POLR2F: variants seen among roughly 807,000 people sequenced by gnomAD.
POLR2F encodes the protein RNA polymerase II, I and III subunit F, also known as DNA-directed RNA polymerases I, II, and III subunit RPABC2.
A neutral mutation model predicts 22.7 loss-of-function variants in POLR2F; 12 were observed. The ratio of observed to expected loss-of-function variants is 0.53; its 90% CI spans 0.34 to 0.86. The LOEUF (loss-of-function observed/expected upper bound fraction) is 0.86. Among genes scored for constraint, POLR2F ranks in the 40% least tolerant of loss-of-function variants. POLR2F has a pLI of 0.02. For missense variants in POLR2F, 126 were observed against 171.5 expected, an observed-to-expected ratio of 0.73 and a Z score of 1.48; for synonymous variants, 57 against 66.0, an observed-to-expected ratio of 0.86 and a Z score of 0.66.
rs745904273 is a variant in POLR2F, at chr22:37,967,730, C to T, written c.*15C>T. 10 of 1,606,416 alleles carry T rather than the reference C, an allele frequency of 6.2e-6. No individual in the cohort carries two copies. The highest frequency in any genetic ancestry group is 4.0e-5 in the African/African-American group (3 of 74,496). ...TCACCGACTGAGCTGGAGTCATCTT[C>T]CTGCCCTTGCCCCATGCCCAATTTT... is the stretch of plus-strand genomic sequence containing the variant. On this transcript the variant is annotated 3_prime_UTR_variant, in exon 5 of 5. Transcript: ENST00000442738.
In POLR2F at chr22:37,967,988, G is replaced by A. The variant is rs1931925716; in HGVS notation, c.*273G>A. 9.1e-7 allele frequency: 1 copy of A among 1,095,374 alleles called. No individual in the cohort carries two copies. Among genetic ancestry groups the A allele is most frequent in the African/African-American group, 1.7e-5 (1 of 60,252 alleles). The allele number at this position is 1,095,374 out of a possible 1,614,324, so 67.9% of individuals were successfully genotyped here. On this transcript the variant is annotated 3_prime_UTR_variant, in exon 5 of 5. Coordinates refer to ENST00000442738, the MANE Select transcript of POLR2F (RefSeq NM_021974.5). ...CATCTCCCTGTTCCCCAGAGCAAAG[G>A]CTGCTGCAGGGGAGACACCTCAGCT...
At chr22:37,956,670 A>G (rs1037493178) in intron 1 of POLR2F, 103 bp from the exon 2 acceptor site, 25 of 932,072 alleles carry the variant, frequency 2.7e-5, no homozygotes, top group African/African-American at 8.0e-5. Flanking sequence ...GCCCACTTCA[A>G]TCTCCGAAAG....
chr22:37,972,527 A>G (rs771116241), downstream of POLR2F: 5 of 305,446 alleles, frequency 1.6e-5, no homozygotes, highest in Non-Finnish European at 3.2e-5. Context: ...GCAAGGGCAG[A>G]ATGTACAGGT....
At chr22:38,028,212 C>T (rs1001566823), downstream of POLR2F, among the ~76,000 whole-genome samples, 2 of 152,294 alleles carry the variant, frequency 1.3e-5, no homozygotes, top group African/African-American at 2.4e-5. Flanking sequence ...GAGGTCACCA[C>T]ATGAGAACAG....
rs533190943 is a variant in POLR2F, at chr22:37,996,127, G to A, written c.120+9815G>A. ...CTTCTGGAGCAGGGACACCCTGGGG[G>A]ACCAGGCTGGGTTTAATGGGCAGCC... On this transcript the variant is annotated intron_variant, in intron 1 of 2. Transcript: ENST00000333418. Among the ~76,000 whole-genome samples the A allele has an allele frequency of 2.6e-5, 4 of 152,316 alleles. No individual in the cohort carries two copies. In the South Asian group the frequency reaches 6.2e-4, roughly 24 times the overall value.
At chr22:37,976,726 A>G (rs990897437) in intron 4 of POLR2F, among the ~76,000 whole-genome samples, 20 of 152,194 alleles carry the variant, frequency 1.3e-4, no homozygotes, top group African/African-American at 4.3e-4. Context: ...ACCTCATCAC[A>G]TTGTTTGCAA....
At chr22:38,006,561 C>T (rs1043903299) in intron 1 of POLR2F, among the ~76,000 whole-genome samples, 3 of 152,188 alleles carry the variant, frequency 2.0e-5, no homozygotes, top group Non-Finnish European at 2.9e-5. Flanking sequence ...GATACCTGCT[C>T]GCACTAGTCC....
In POLR2F at chr22:38,016,947, C is replaced by T. The variant is rs1031397072; in HGVS notation, c.121-8922C>T. ...CTGGGCGGATGTGCCGGCAGCTGGG[C>T]GGCCGGGAGAGATGGAGCCAGGCCG... On this transcript the variant is annotated intron_variant, in intron 1 of 2. Transcript: ENST00000333418. The surrounding 1 kb of genome is among the most constrained non-coding windows in gnomAD (Gnocchi z 4.4). 1.3e-5 allele frequency among the ~76,000 whole-genome samples: 2 copies of T among 152,136 alleles called. No individual in the cohort carries two copies. The highest frequency in any genetic ancestry group is 3.4e-3 in the Middle Eastern group (1 of 292).
At chr22:38,033,445 TAC>T (rs1318859248) in intron 5 of POLR2F, among the ~76,000 whole-genome samples, 2 of 152,226 alleles carry the variant, frequency 1.3e-5, no homozygotes, top group Non-Finnish European at 2.9e-5. Context: ...CAAGCCTGGT[TAC>T]CCAGTCCCTC....
intron 1 of POLR2F, among the ~76,000 whole-genome samples, chr22:38,000,265 G>A (rs375453346): frequency 2.0e-5 from 3 of 152,280 alleles, no homozygotes; most frequent in African/African-American, 7.2e-5. Flanking sequence ...TTGTCCAGCC[G>A]GACCTTCTTA....
chr22:38,038,781 C>T (rs1176858124), intron 5 of POLR2F, among the ~76,000 whole-genome samples: 3 of 140,792 alleles, frequency 2.1e-5, no homozygotes, highest in Non-Finnish European at 4.7e-5. Context: ...CACCCAAACT[C>T]CCTCCTCCCC....
rs58143539 is a variant in POLR2F at position 37,995,227 on chromosome 22, T to C, written c.120+8915T>C. Reference sequence around the variant, plus strand: ...TCTACTGAGACAGGCCCACATTTGCTTTTGTTTCCCACCTTTTGTCCCCCA... The same window carrying C: ...TCTACTGAGACAGGCCCACATTTGCCTTTGTTTCCCACCTTTTGTCCCCCA... On this transcript the variant is annotated intron_variant, in intron 1 of 2. Transcript: ENST00000333418. Among the ~76,000 whole-genome samples, 1,509 of 152,318 alleles carry C rather than the reference T, an allele frequency of 9.9e-3. 28 individuals are homozygous for C. Among genetic ancestry groups the C allele is most frequent in the African/African-American group, 0.035 (1,461 of 41,570 alleles).
chr22:37,967,055 C>T, intron 3 of POLR2F, 44 bp from the exon 4 acceptor site: 3 of 1,462,054 alleles, frequency 2.1e-6, no homozygotes, highest in Non-Finnish European at 1.9e-6. Context: ...GGGCCCTTCT[C>T]CCTGGGTTTG....
At chr22:38,004,188 C>G (rs2084800467) in intron 1 of POLR2F, among the ~76,000 whole-genome samples, 1 of 149,014 alleles carries the variant, frequency 6.7e-6, no homozygotes, top group African/African-American at 2.5e-5. Flanking sequence ...TGGGGGGGGT[C>G]TCACTATATT....
At chr22:38,029,056 G>C (rs1601916743), downstream of POLR2F, among the ~76,000 whole-genome samples, 1 of 152,166 alleles carries the variant, frequency 6.6e-6, no homozygotes, top group African/African-American at 2.4e-5. Flanking sequence ...CCCTGAAAAA[G>C]GGAGTTCAGG....
rs1433288581 is a variant in POLR2F, at chr22:37,992,621, A to C, written c.120+6309A>C. On this transcript the variant is annotated intron_variant, in intron 1 of 2. Coordinates refer to the POLR2F transcript ENST00000333418. The stretch of plus-strand genomic sequence containing the variant: ...ACCATGTTGCCCAGGCTGGTCTCAA[A>C]CTCCAGACCTCAGGTGATTCGCCCG... 2.6e-5 allele frequency among the ~76,000 whole-genome samples: 4 copies of C among 151,892 alleles called. No homozygotes were observed. The East Asian group carries it at 5.8e-4, about 22-fold the overall frequency.
At chr22:37,990,912 C>A (rs1189137285) in intron 1 of POLR2F, among the ~76,000 whole-genome samples, 1 of 152,218 alleles carries the variant, frequency 6.6e-6, no homozygotes, top group East Asian at 1.9e-4. Flanking sequence ...TGCCTCAGAC[C>A]CTTGGTGTTC....
At chr22:37,961,868 T>C (rs560751212) in intron 3 of POLR2F, among the ~76,000 whole-genome samples, 20 of 152,084 alleles carry the variant, frequency 1.3e-4, no homozygotes, top group Admixed American at 4.6e-4. Context: ...CCCTATAGAC[T>C]GATGTGGGAA....
exon 3 of POLR2F, chr22:38,026,277 A>G (rs1481429402): frequency 1.9e-6 from 1 of 533,236 alleles, no homozygotes; most frequent in Non-Finnish European, 3.8e-6. Context: ...TGCCCAGGGT[A>G]GCTGGCTTGC....
Sources: allele counts gnomAD v4.1 joint callset (sites outside exome capture counted in the v4.1 genomes callset), GRCh38; gene constraint gnomAD v4.1.1; non-coding constraint Gnocchi (gnomAD v3.1); transcripts MANE v1.5; gene names NCBI Gene and HGNC (gene_info 2026-07-23, HGNC 2026-07-21).